CEP250: variants seen among roughly 807,000 people sequenced by gnomAD.
CEP250 encodes the protein centrosomal protein 250.
CEP250 carries 242 observed loss-of-function variants against 315.7 expected under a neutral mutation model. The ratio of observed to expected loss-of-function variants is 0.77; its 90% CI spans 0.69 to 0.85. The LOEUF is 0.85. Ranked by LOEUF, CEP250 falls within the 40% of genes least tolerant of loss-of-function variation. CEP250 has a pLI of 0.00. For synonymous variants in CEP250, 1,088 were observed against 1,175.0 expected (o/e 0.93, Z 1.51); for missense variants, 2,515 against 2,886.4 (o/e 0.87, Z 2.95).
chr20:35,477,949 G>C lies in CEP250; in HGVS notation c.1942G>C (p.Ala648Pro). 6.2e-7 allele frequency: 1 copy of C among 1,612,054 alleles called. No homozygotes were observed. Among genetic ancestry groups the C allele is most frequent in the South Asian group, 1.1e-5 (1 of 90,524 alleles). ...GAGAAATGCTTTGCAGGTCGACCTG[G>C]CGGAGGCAGAGAAGAGGAGGGAAGC... ...QARNALQVDLAEAEKRREALW... is the reference protein window; with the variant it reads ...QARNALQVDLPEAEKRREALW... The change falls in exon 17 of 35, where the codon GCG becomes CCG. Residue 648 changes from alanine to proline, a missense_variant. Coordinates refer to ENST00000397527, the MANE Select transcript of CEP250 (RefSeq NM_007186.6).
Position 35,503,325 on chromosome 20 carries a change from T to TC in CEP250, c.4957dup (p.Leu1653ProfsTer66), listed in dbSNP as rs1447926785. On this transcript the variant is annotated frameshift_variant, in exon 30 of 35. Transcript: ENST00000397527. LOFTEE classifies it high-confidence loss of function. The surrounding 1 kb of genome is among the most constrained non-coding windows in gnomAD (Gnocchi z 4.2). ...GGCAGAAAGAGCATCTGACTCAGGATCTCGAGAGGAGAGACCAGGAGCTGA... is the reference window on the plus strand; with the variant it reads ...GGCAGAAAGAGCATCTGACTCAGGATCCTCGAGAGGAGAGACCAGGAGCTGA... 6.2e-7 allele frequency: 1 copy of TC among 1,613,866 alleles called. No individual in the cohort carries two copies. Among genetic ancestry groups the TC allele is most frequent in the Non-Finnish European group, 8.5e-7 (1 of 1,179,936 alleles).
In CEP250 at chr20:35,518,407, T is replaced by C. The variant is rs771594122; in HGVS notation, c.*6781T>C. 2.6e-5 allele frequency: 4 copies of C among 152,172 alleles called. No individual in the cohort carries two copies. Among genetic ancestry groups the C allele is most frequent in the Non-Finnish European group, 5.9e-5 (4 of 68,044 alleles). The allele number at this position is 152,172 out of a possible 1,614,324, so 9.4% of individuals were successfully genotyped here. Reference sequence around the variant, plus strand: ...CCAAGGGGGTAGCATGCGGTGGATATTTGTTTTAGATACACAGTAACTGGA... The same window carrying C: ...CCAAGGGGGTAGCATGCGGTGGATACTTGTTTTAGATACACAGTAACTGGA... On this transcript the variant is annotated 3_prime_UTR_variant, in exon 35 of 35. Coordinates refer to ENST00000397527, the MANE Select transcript of CEP250 (RefSeq NM_007186.6).
At position 35,496,625 on chromosome 20, in the gene CEP250, A is replaced by T; in HGVS notation, c.3216A>T (p.Gln1072His). 1 of 1,614,164 alleles carries T rather than the reference A, an allele frequency of 6.2e-7. No individual in the cohort carries two copies. The highest frequency in any genetic ancestry group is 8.5e-7 in the Non-Finnish European group (1 of 1,180,010). ...MEKEQRLLVL[Q>H]EADSIRQQEL... ...AGGAACAGAGACTCCTTGTTTTACA[A>T]GAAGCTGACTCTATTCGACAACAAG... The change falls in exon 25 of 35, where the codon CAA becomes CAT. Residue 1072 changes from glutamine to histidine, a missense_variant. Gln to His is a conservative substitution (Grantham distance 24, BLOSUM62 0). Coordinates refer to ENST00000397527, the MANE Select transcript of CEP250 (RefSeq NM_007186.6).
chr20:35,468,562 G>T (rs961829574), intron 9 of CEP250, among the ~76,000 whole-genome samples: 5 of 152,138 alleles, frequency 3.3e-5, no homozygotes, highest in Non-Finnish European at 7.4e-5. Context: ...GGGCTATTTT[G>T]TTTTGTTTTT....
chr20:35,491,428 T>G (rs977446342), intron 22 of CEP250, 82 bp downstream of exon 22: 2 of 1,429,970 alleles, frequency 1.4e-6, no homozygotes, highest in African/African-American at 2.8e-5. Flanking sequence ...GGGCACTTCT[T>G]ATGTGCCAGG....
At position 35,508,120 on chromosome 20, in the gene CEP250, T is replaced by C; in HGVS notation, c.6836T>C (p.Val2279Ala). The change falls in exon 32 of 35, where the codon GTG becomes GCG. Residue 2279 changes from valine to alanine, a missense_variant. Physicochemically the swap from Val to Ala is moderately conservative, Grantham distance 64 (BLOSUM62 0). Transcript: ENST00000397527. ...RQRLEHLQQA[V>A]ARLEIDRSRL... ...AGGCTTGAACACCTGCAGCAAGCAG[T>C]GGCCCGGCTGGAGATTGACAGGAGC... 7.4e-6 allele frequency: 12 copies of C among 1,614,012 alleles called. No homozygotes were observed. Among genetic ancestry groups the C allele is most frequent in the Non-Finnish European group, 8.5e-6 (10 of 1,179,988 alleles).
At chr20:35,469,686 G>A (rs1278124328) in intron 9 of CEP250, among the ~76,000 whole-genome samples, 1 of 152,174 alleles carries the variant, frequency 6.6e-6, no homozygotes, top group Admixed American at 6.5e-5. Flanking sequence ...GCATGTGTCT[G>A]AGTGGTTTTT....
At chr20:35,475,050 T>C (rs79213200) in intron 14 of CEP250, among the ~76,000 whole-genome samples, 2,541 of 152,122 alleles carry the variant, frequency 0.017, 30 homozygotes, top group Non-Finnish European at 0.025. Context: ...AACAAAAAAT[T>C]AGCTGTAGCT....
At chr20:35,490,916 G>A in intron 21 of CEP250, 112 bp downstream of exon 21, 1 of 1,289,034 alleles carries the variant, frequency 7.8e-7, no homozygotes, top group Non-Finnish European at 1.1e-6. Flanking sequence ...CAGAAGAGAG[G>A]GTAGCTACCC....
At chr20:35,499,706 G>A (rs1204808883) in intron 27 of CEP250, among the ~76,000 whole-genome samples, 2 of 152,172 alleles carry the variant, frequency 1.3e-5, no homozygotes, top group African/African-American at 4.8e-5. Flanking sequence ...ATTTGGGAAG[G>A]GTCAGAAGGA....
chr20:35,484,032 T>C (rs564549178), intron 20 of CEP250, among the ~76,000 whole-genome samples: 1 of 152,338 alleles, frequency 6.6e-6, no homozygotes, highest in African/African-American at 2.4e-5. Flanking sequence ...ACTTGTGTCC[T>C]GTCTAGTAAT....
At chr20:35,494,362 G>C in intron 23 of CEP250, 162 bp from the exon 24 acceptor site, 1 of 839,048 alleles carries the variant, frequency 1.2e-6, no homozygotes, top group South Asian at 1.7e-5. Flanking sequence ...TGAGGAAGGG[G>C]GTGGTTAAGA....
At chr20:35,472,227 C>A in intron 11 of CEP250, 76 bp downstream of exon 11, 1 of 875,254 alleles carries the variant, frequency 1.1e-6, no homozygotes, top group Non-Finnish European at 1.9e-6. Context: ...TTCAGTCCTG[C>A]CTAGATTTCC....
rs753025313 is a variant in CEP250, at chr20:35,504,120, T to C, written c.5751T>C (p.His1917=). 1.1e-5 allele frequency: 17 copies of C among 1,613,232 alleles called. No homozygotes were observed. In the South Asian group the frequency reaches 1.9e-4, roughly 18 times the overall value. ...QQQCAEQAQE[H]EVETRALQDS... ...AGTGTGCTGAGCAGGCACAGGAGCATGAGGTGGAGACCAGGGCCCTGCAGG... is the reference window on the plus strand; with the variant it reads ...AGTGTGCTGAGCAGGCACAGGAGCACGAGGTGGAGACCAGGGCCCTGCAGG... Residue 1917 remains histidine, a synonymous_variant, in exon 30 of 35, where the codon CAT becomes CAC. Coordinates refer to ENST00000397527, the MANE Select transcript of CEP250 (RefSeq NM_007186.6).
In CEP250 at chr20:35,469,506, C is replaced by T. The variant is rs974539158; in HGVS notation, c.852-384C>T. Among the ~76,000 whole-genome samples, 6 of 152,240 alleles carry T rather than the reference C, an allele frequency of 3.9e-5. No individual in the cohort carries two copies. The East Asian group carries it at 5.8e-4, about 15-fold the overall frequency. ...TTTTTCCCTATCAGAGTCAGAACCT[C>T]GGGCTGGAGGGACCTTGGGACTATC... On this transcript the variant is annotated intron_variant, in intron 9 of 34. Transcript: ENST00000397527.
rs776608523 is a variant in CEP250 at position 35,504,231 on chromosome 20, T to G, written c.5862T>G (p.His1954Gln). The G allele has an allele frequency of 2.5e-6, 4 of 1,607,822 alleles. No individual in the cohort carries two copies. Among genetic ancestry groups the G allele is most frequent in the Non-Finnish European group, 3.4e-6 (4 of 1,177,420 alleles). The change falls in exon 30 of 35, where the codon CAT becomes CAG. Residue 1954 changes from histidine to glutamine, a missense_variant. Coordinates refer to ENST00000397527, the MANE Select transcript of CEP250 (RefSeq NM_007186.6). The part of the protein sequence containing the change: ...ALRAESQSSR[H>Q]QEEAARARAE... ...GGGCAGAAAGTCAGTCCTCCCGGCATCAGGAGGAGGCTGCCCGGGCCCGGG... is the reference window on the plus strand; with the variant it reads ...GGGCAGAAAGTCAGTCCTCCCGGCAGCAGGAGGAGGCTGCCCGGGCCCGGG...
In CEP250 at chr20:35,472,750, C is replaced by T; in HGVS notation, c.1128C>T (p.Phe376=). 1 of 1,614,096 alleles carries T rather than the reference C, an allele frequency of 6.2e-7. No individual in the cohort carries two copies. Among genetic ancestry groups the T allele is most frequent in the Non-Finnish European group, 8.5e-7 (1 of 1,179,930 alleles). ...ENSLELDSSI[F]SQFDYQDADK... is the part of the protein sequence containing the mutation. ...CTTTGGAATTGGACTCTAGTATCTT[C>T]TCCCAGTTTGATTACCAGGATGCAG... The change falls in exon 12 of 35, where the codon TTC becomes TTT. Residue 376 remains phenylalanine (F), a synonymous_variant. Coordinates refer to ENST00000397527, the MANE Select transcript of CEP250 (RefSeq NM_007186.6).
intron 22 of CEP250, among the ~76,000 whole-genome samples, chr20:35,492,058 A>G (rs1349211858): frequency 5.9e-5 from 9 of 152,210 alleles, no homozygotes. Flanking sequence ...TGTAAAGGAA[A>G]TAGAATGATA....
Position 35,504,558 on chromosome 20 carries a change from GTC to G in CEP250, c.6193_6194del (p.Leu2065GlyfsTer77). On this transcript the variant is annotated frameshift_variant, in exon 30 of 35. Coordinates refer to ENST00000397527, the MANE Select transcript of CEP250 (RefSeq NM_007186.6). LOFTEE classifies it high-confidence loss of function. ...AGGAACGGGAGCAGCTGCTGGAGAA[GTC>G]TCTGGCCCAGAGGGTCCAAGAGAAT... Reference protein sequence around the residue: ...QQEREQLLEKSLAQRVQENMI... With the variant: ...QQEREQLLEKXLAQRVQENMI... The G allele has an allele frequency of 6.2e-7, 1 of 1,614,148 alleles. No individual in the cohort carries two copies. The highest frequency in any genetic ancestry group is 1.1e-5 in the South Asian group (1 of 91,086).
Sources: gnomAD v4.1 joint callset for allele counts (sites outside exome capture counted in the v4.1 genomes callset) on GRCh38, gnomAD v4.1.1 for gene constraint, Gnocchi (gnomAD v3.1) non-coding constraint, MANE v1.5 for transcripts, NCBI Gene and HGNC (gene_info 2026-07-23, HGNC 2026-07-21) for gene names.